The following VRK2 variants were observed in gnomAD, a reference collection of about 807,000 sequenced individuals.
VRK2 encodes the protein VRK serine/threonine kinase 2, also known as serine/threonine-protein kinase VRK2.
In VRK2, 60 loss-of-function variants were observed where a neutral mutation model predicts 57.6. That is an observed-to-expected ratio of 1.04 (90% confidence interval 0.85 to 1.29). VRK2 has a LOEUF of 1.29. VRK2 is among the 50% of genes most tolerant of loss of function. The pLI is 0.00. For synonymous variants in VRK2, 231 were observed against 199.2 expected (o/e 1.16, Z -1.35); for missense variants, 705 against 588.1 (o/e 1.20, Z -2.06).
chr2:58,142,461 A>T (rs1021522864), intron 11 of VRK2, among the ~76,000 whole-genome samples: 3 of 151,682 alleles, frequency 2.0e-5, no homozygotes, highest in Non-Finnish European at 4.4e-5. Context: ...AGTGATATTG[A>T]TATTTTTTTC....
chr2:57,997,965 C>T (rs914087009), intron 1 of VRK2, among the ~76,000 whole-genome samples: 1 of 151,910 alleles, frequency 6.6e-6, no homozygotes, highest in Admixed American at 6.6e-5. Context: ...ATTAGTCAAA[C>T]AGCTTTAATA....
intron 1 of VRK2, among the ~76,000 whole-genome samples, chr2:57,933,230 T>C (rs1448706768): frequency 6.6e-6 from 1 of 152,016 alleles, no homozygotes; most frequent in Non-Finnish European, 1.5e-5. Context: ...ATTTTCTTTC[T>C]ATATGATCCA....
At chr2:58,097,421 G>A (rs1490731559) in intron 7 of VRK2, among the ~76,000 whole-genome samples, 3 of 151,894 alleles carry the variant, frequency 2.0e-5, no homozygotes, top group African/African-American at 7.3e-5. Flanking sequence ...TTTAGGGGGA[G>A]AGGGACTATT....
At chr2:58,030,846 C>T (rs565011304) in intron 2 of VRK2, among the ~76,000 whole-genome samples, 1 of 152,182 alleles carries the variant, frequency 6.6e-6, no homozygotes, top group East Asian at 1.9e-4. Context: ...AATGCAACTT[C>T]TGTCGTGTTC....
intron 1 of VRK2, among the ~76,000 whole-genome samples, chr2:57,979,263 G>A (rs183580634): frequency 5.0e-4 from 76 of 151,174 alleles, no homozygotes; most frequent in Non-Finnish European, 8.8e-5. Flanking sequence ...AATGGTCGAA[G>A]TAATTTACAT....
chr2:58,121,660 T>C (rs1257061431), intron 7 of VRK2, among the ~76,000 whole-genome samples: 1 of 152,168 alleles, frequency 6.6e-6, no homozygotes, highest in Non-Finnish European at 1.5e-5. Context: ...AACCAAAAAC[T>C]TAAACTAAAA....
chr2:58,102,145 T>C (rs1243153511), intron 7 of VRK2, among the ~76,000 whole-genome samples: 1 of 151,576 alleles, frequency 6.6e-6, no homozygotes, highest in African/African-American at 2.4e-5. Flanking sequence ...AAAACTCTTT[T>C]AGCACATTCA....
chr2:57,946,382 T>C (rs1450761991), intron 1 of VRK2, among the ~76,000 whole-genome samples: 3 of 152,042 alleles, frequency 2.0e-5, no homozygotes, highest in African/African-American at 7.2e-5. Context: ...TTTGTAACAA[T>C]TGCACATATT....
chr2:58,011,950 G>T (rs1186006807), intron 1 of VRK2, among the ~76,000 whole-genome samples: 1 of 152,098 alleles, frequency 6.6e-6, no homozygotes, highest in East Asian at 1.9e-4. Flanking sequence ...AGATTCCCCA[G>T]ATATAAGGGC....
rs755328904 is a variant in VRK2 at position 58,086,322 on chromosome 2, TA to T, written c.257-14del. 10 of 1,579,180 alleles carry T rather than the reference TA, an allele frequency of 6.3e-6. 1 individual carries two copies. The South Asian group carries it at 1.1e-4, about 17-fold the overall frequency. ...CAAATAACATGAATCTTTTTAAAAA[TA>T]AATTTGTCTTTGTAGTCAAAAAGTG... On this transcript the variant is annotated splice_polypyrimidine_tract_variant and intron_variant, in intron 4 of 12. Transcript: ENST00000340157.
intron 1 of VRK2, among the ~76,000 whole-genome samples, chr2:57,933,863 C>A (rs945231948): frequency 2.0e-5 from 3 of 152,020 alleles, no homozygotes; most frequent in African/African-American, 7.2e-5. Flanking sequence ...TTAGTGCAAT[C>A]CTTGGATTCT....
chr2:57,923,914 G>C (rs1172492309), intron 1 of VRK2, among the ~76,000 whole-genome samples: 1 of 151,970 alleles, frequency 6.6e-6, no homozygotes, highest in African/African-American at 2.4e-5. Context: ...GGGAGAGATA[G>C]GGGTCTAGTT....
At chr2:58,101,656 G>T (rs1255320972) in intron 7 of VRK2, among the ~76,000 whole-genome samples, 2 of 151,614 alleles carry the variant, frequency 1.3e-5, no homozygotes, top group Non-Finnish European at 3.0e-5. Flanking sequence ...CCTAGATCAT[G>T]TGATTTCTTT....
chr2:57,937,184 T>C (rs1417009956), intron 1 of VRK2, among the ~76,000 whole-genome samples: 1 of 152,196 alleles, frequency 6.6e-6, no homozygotes, highest in Non-Finnish European at 1.5e-5. Flanking sequence ...TATGAAATCT[T>C]TTAATTACAA....
intron 1 of VRK2, among the ~76,000 whole-genome samples, chr2:57,937,827 C>CTT (rs778615422): frequency 5.1e-4 from 46 of 89,886 alleles, no homozygotes; most frequent in South Asian, 8.2e-4. Flanking sequence ...GTTTATCTTT[C>CTT]TTTTTTTTTT....
At chr2:58,061,969 T>C (rs760790325) in intron 2 of VRK2, among the ~76,000 whole-genome samples, 2 of 152,038 alleles carry the variant, frequency 1.3e-5, no homozygotes, top group Non-Finnish European at 2.9e-5. Flanking sequence ...CCTTGTCTTA[T>C]TGCACATCAC....
At chr2:58,148,519 G>A (rs1682504981) in intron 12 of VRK2, among the ~76,000 whole-genome samples, 1 of 151,568 alleles carries the variant, frequency 6.6e-6, no homozygotes. Context: ...TTTATTTGAA[G>A]TTCAATTTAT....
chr2:58,082,393 A>T (rs1671015117), intron 2 of VRK2, among the ~76,000 whole-genome samples: 1 of 151,818 alleles, frequency 6.6e-6, no homozygotes, highest in Non-Finnish European at 1.5e-5. Flanking sequence ...TGCTGTGGTC[A>T]CTTGCTTTTA....
intron 1 of VRK2, among the ~76,000 whole-genome samples, chr2:57,939,789 G>C (rs1201737151): frequency 2.6e-5 from 4 of 152,044 alleles, no homozygotes; most frequent in Non-Finnish European, 5.9e-5. Flanking sequence ...CTTGAAATTA[G>C]GTAGAACACT....
Sources: allele counts gnomAD v4.1 joint callset (sites outside exome capture counted in the v4.1 genomes callset), GRCh38; gene constraint gnomAD v4.1.1; transcripts MANE v1.5; gene names NCBI Gene and HGNC (gene_info 2026-07-23, HGNC 2026-07-21).